The following INPP5A variants were observed in gnomAD, a reference collection of about 807,000 sequenced individuals.
INPP5A encodes the protein 43 kDa inositol polyphosphate 5-phophatase.
In INPP5A, 14 loss-of-function variants were observed where a neutral mutation model predicts 65.2. The ratio of observed to expected loss-of-function variants is 0.21; its 90% CI spans 0.14 to 0.34. The LOEUF is 0.34. Ranked by LOEUF, INPP5A falls within the 10% of genes least tolerant of loss-of-function variation. The pLI is 1.00. For missense variants in INPP5A, 431 were observed against 545.6 expected (o/e 0.79, Z 2.09); for synonymous variants, 207 against 208.3 (o/e 0.99, Z 0.05).
At chr10:132,667,800 A>G (rs1342174023) in intron 4 of INPP5A, among the ~76,000 whole-genome samples, 1 of 152,196 alleles carries the variant, frequency 6.6e-6, no homozygotes, top group Admixed American at 6.5e-5. Flanking sequence ...CGCGAGCCGG[A>G]AGAGGGATGA....
intron 12 of INPP5A, among the ~76,000 whole-genome samples, chr10:132,767,846 C>T (rs1237508399): frequency 1.7e-4 from 25 of 148,436 alleles, no homozygotes; most frequent in South Asian, 4.3e-4. Flanking sequence ...CCGTGGACCC[C>T]AACCCTCAGC....
intron 11 of INPP5A, among the ~76,000 whole-genome samples, chr10:132,755,210 T>C (rs1054453711): frequency 2.0e-5 from 3 of 151,342 alleles, no homozygotes; most frequent in Non-Finnish European, 2.9e-5. Flanking sequence ...CATGAGCGGG[T>C]GTGTGCATGT....
chr10:132,719,002 C>T (rs554199987), intron 8 of INPP5A, among the ~76,000 whole-genome samples: 20 of 143,530 alleles, frequency 1.4e-4, no homozygotes, highest in African/African-American at 2.6e-4. Flanking sequence ...TCTGTCTGGG[C>T]GCCTTAGACG....
intron 4 of INPP5A, among the ~76,000 whole-genome samples, chr10:132,662,998 T>G (rs1330999527): frequency 6.6e-6 from 1 of 152,062 alleles, no homozygotes; most frequent in South Asian, 2.1e-4. Flanking sequence ...GAAAATCTAG[T>G]CTTGTGGTGG....
At position 132,671,944 on chromosome 10, in the gene INPP5A, C is replaced by T. The variant is rs559351289; in HGVS notation, c.307-18448C>T. 3.7e-4 allele frequency among the ~76,000 whole-genome samples: 57 copies of T among 152,220 alleles called. 1 individual carries two copies. Among genetic ancestry groups the T allele is most frequent in the Non-Finnish European group, 6.3e-4 (43 of 67,998 alleles). ...GAAAGGCCAGCTTCAGCCAGGGTGA[C>T]GGTGGGGGTGGTGCTCAGGGTGGAC... On this transcript the variant is annotated intron_variant, in intron 4 of 15. Coordinates refer to ENST00000368594, the MANE Select transcript of INPP5A (RefSeq NM_005539.5).
At chr10:132,771,091 AGTCT>A (rs1307519516) in intron 12 of INPP5A, among the ~76,000 whole-genome samples, 1 of 152,236 alleles carries the variant, frequency 6.6e-6, no homozygotes, top group Non-Finnish European at 1.5e-5. Flanking sequence ...AAGTTACCAC[AGTCT>A]GTCTGTCAAT....
Position 132,676,379 on chromosome 10 carries a change from G to A in INPP5A, c.307-14013G>A, listed in dbSNP as rs1225051515. 2.0e-5 allele frequency among the ~76,000 whole-genome samples: 3 copies of A among 152,280 alleles called. No individual in the cohort carries two copies. The highest frequency in any genetic ancestry group is 3.9e-4 in the East Asian group (2 of 5,184). On this transcript the variant is annotated intron_variant, in intron 4 of 15. Transcript: ENST00000368594. This position sits in a 1 kb window ranked among gnomAD's most constrained non-coding sequence, Gnocchi z 4.0. ...CGAGGCTGCTGTTGTCTGGCACACC[G>A]TGAGTTCTGGGCCAGGACCTTTCCA...
chr10:132,754,547 C>T (rs1417101651), intron 11 of INPP5A, among the ~76,000 whole-genome samples: 3 of 152,230 alleles, frequency 2.0e-5, no homozygotes, highest in South Asian at 2.1e-4. Flanking sequence ...GCTCCAGTAC[C>T]GTTTAAGCAG....
intron 1 of INPP5A, among the ~76,000 whole-genome samples, chr10:132,582,434 TTA>T (rs2071495991): frequency 6.6e-6 from 1 of 151,406 alleles, no homozygotes. Context: ...TTTTTTTTTT[TTA>T]AAGAGACAGG....
chr10:132,645,838 G>T, intron 2 of INPP5A, 30 bp from the exon 3 acceptor site: 2 of 1,562,838 alleles, frequency 1.3e-6, no homozygotes, highest in South Asian at 1.1e-5. Flanking sequence ...CGGCTCCGAC[G>T]ACCCTGACAG....
chr10:132,749,702 G>T, intron 10 of INPP5A, 69 bp from the exon 11 acceptor site: 2 of 1,597,758 alleles, frequency 1.3e-6, no homozygotes, highest in Non-Finnish European at 1.7e-6. Context: ...TGCCCGGTTC[G>T]GTGGGGGCTA....
At chr10:132,582,833 C>T (rs969081941) in intron 1 of INPP5A, among the ~76,000 whole-genome samples, 1 of 152,260 alleles carries the variant, frequency 6.6e-6, no homozygotes, top group African/African-American at 2.4e-5. Context: ...CCACATGCCT[C>T]AGTTGTGTTG....
At chr10:132,591,661 G>T (rs1369282688) in intron 1 of INPP5A, among the ~76,000 whole-genome samples, 1 of 152,214 alleles carries the variant, frequency 6.6e-6, no homozygotes, top group East Asian at 1.9e-4. Context: ...CTGTTGTTTT[G>T]TCTGTTAATT....
rs2071048468 is a variant in INPP5A, at chr10:132,551,487, T to C, written c.75+13316T>C. On this transcript the variant is annotated intron_variant, in intron 1 of 15. Coordinates refer to ENST00000368594, the MANE Select transcript of INPP5A (RefSeq NM_005539.5). This position sits in a 1 kb window ranked among gnomAD's most constrained non-coding sequence, Gnocchi z 5.3. ...AGTGGACCAGCCACTGTGGGTCATG[T>C]GGGGGGATTTGGGTGGGACTCTCAG... Among the ~76,000 whole-genome samples, 1 of 152,104 alleles carries C rather than the reference T, an allele frequency of 6.6e-6. No homozygotes were observed. The highest frequency in any genetic ancestry group is 1.5e-5 in the Non-Finnish European group (1 of 67,998).
intron 9 of INPP5A, among the ~76,000 whole-genome samples, chr10:132,746,458 C>T (rs1410441553): frequency 3.3e-5 from 5 of 152,344 alleles, no homozygotes; most frequent in East Asian, 1.9e-4. Context: ...CATGCAGCTC[C>T]GTGCACATCC....
At chr10:132,628,463 CG>C (rs55668291) in intron 2 of INPP5A, among the ~76,000 whole-genome samples, 8,000 of 22,878 alleles carry the variant, frequency 0.35, 1,333 homozygotes, top group Middle Eastern at 0.41. Context: ...GCTCTGGTGG[CG>C]GGGGGGGGGG....
At chr10:132,558,969 C>G (rs2071164207) in intron 1 of INPP5A, among the ~76,000 whole-genome samples, 1 of 152,190 alleles carries the variant, frequency 6.6e-6, no homozygotes, top group South Asian at 2.1e-4. Flanking sequence ...CTGGTCGAGC[C>G]CAGCCAGCTG....
chr10:132,640,907 A>T (rs2072419720), intron 2 of INPP5A, among the ~76,000 whole-genome samples: 1 of 151,792 alleles, frequency 6.6e-6, no homozygotes, highest in South Asian at 2.1e-4. Flanking sequence ...GCTGTCTCCC[A>T]TTTCCTGGAA....
chr10:132,605,582 A>G (rs1590862375), intron 1 of INPP5A, among the ~76,000 whole-genome samples: 2 of 151,524 alleles, frequency 1.3e-5, no homozygotes, highest in East Asian at 3.9e-4. Flanking sequence ...GGCTGGTGGG[A>G]TGGTGGGATG....
Sources: gnomAD v4.1 joint callset for allele counts (sites outside exome capture counted in the v4.1 genomes callset) on GRCh38, gnomAD v4.1.1 for gene constraint, Gnocchi (gnomAD v3.1) non-coding constraint, MANE v1.5 for transcripts, NCBI Gene and HGNC (gene_info 2026-07-23, HGNC 2026-07-21) for gene names.